The following PDE4D variants were observed in gnomAD, a reference collection of about 807,000 sequenced individuals.
PDE4D encodes the protein phosphodiesterase 4D, also known as 3',5'-cyclic-AMP phosphodiesterase 4D.
Under a neutral mutation model 87.4 loss-of-function variants are expected in PDE4D, and 24 were observed. The ratio of observed to expected loss-of-function variants is 0.27; its 90% CI spans 0.20 to 0.39. The LOEUF is 0.39. Ranked by LOEUF, PDE4D falls within the 10% of genes least tolerant of loss-of-function variation. The pLI is 1.00. For synonymous variants in PDE4D, 384 were observed against 383.2 expected, an observed-to-expected ratio of 1.00 and a Z score of -0.02; for missense variants, 714 against 1,041.0, an observed-to-expected ratio of 0.69 and a Z score of 4.32.
chr5:59,323,034 A>T (rs1025317775), intron 1 of PDE4D, among the ~76,000 whole-genome samples: 5 of 152,230 alleles, frequency 3.3e-5, no homozygotes, highest in Admixed American at 2.6e-4. Flanking sequence ...TTTCTCTTGG[A>T]ATCTCAACAG....
chr5:59,799,460 G>A (rs936981800), intron 1 of PDE4D, among the ~76,000 whole-genome samples: 1 of 152,204 alleles, frequency 6.6e-6, no homozygotes, highest in Admixed American at 6.5e-5. Flanking sequence ...TATTGGGTGT[G>A]TAAAGAATGA....
chr5:59,936,732 G>C (rs575669768), intron 3 of PDE4D, among the ~76,000 whole-genome samples: 1 of 152,116 alleles, frequency 6.6e-6, no homozygotes, highest in South Asian at 2.1e-4. Context: ...ATGTTTAAGG[G>C]ATATGGCCCC....
chr5:59,458,165 T>TGA (rs776254414), intron 1 of PDE4D, among the ~76,000 whole-genome samples: 21 of 152,224 alleles, frequency 1.4e-4, no homozygotes, highest in Non-Finnish European at 2.6e-4. Flanking sequence ...TTTGATTCTT[T>TGA]TACTATTTAT....
At chr5:60,018,058 C>A (rs1765693948) in intron 2 of PDE4D, among the ~76,000 whole-genome samples, 1 of 152,102 alleles carries the variant, frequency 6.6e-6, no homozygotes, top group Non-Finnish European at 1.5e-5. Context: ...TGATGTTGAG[C>A]TTTTTCTCAT....
chr5:60,081,077 G>A (rs897805249), intron 2 of PDE4D, among the ~76,000 whole-genome samples: 3 of 152,104 alleles, frequency 2.0e-5, no homozygotes, highest in African/African-American at 7.2e-5. Flanking sequence ...GGTCTATTCA[G>A]GAATTTGACT....
intron 1 of PDE4D, among the ~76,000 whole-genome samples, chr5:59,498,218 T>C (rs146010238): frequency 2.3e-4 from 35 of 151,644 alleles, no homozygotes; most frequent in African/African-American, 7.3e-4. Context: ...CTTGTTACCA[T>C]GAAAGCACAT....
At chr5:59,924,064 T>A (rs1175120580) in intron 3 of PDE4D, among the ~76,000 whole-genome samples, 1 of 152,216 alleles carries the variant, frequency 6.6e-6, no homozygotes, top group Non-Finnish European at 1.5e-5. Context: ...GCAGAAATTC[T>A]GTAGTTGAAA....
chr5:60,452,465 T>C (rs1395464037), intron 1 of PDE4D, among the ~76,000 whole-genome samples: 3 of 152,050 alleles, frequency 2.0e-5, no homozygotes, highest in Non-Finnish European at 2.9e-5. Flanking sequence ...CAGAAGACAA[T>C]GTATGTCTTA....
In PDE4D at chr5:60,460,842, C is replaced by T. The variant is rs1746875372; in HGVS notation, c.-90+27100G>A. On this transcript the variant is annotated intron_variant, in intron 1 of 16. Transcript: ENST00000502484. Reference sequence around the variant, plus strand: ...TTTATTGGTTAAAATTGAGCAATAACACATGGGTATTTGAAGGATCCCTTT... The same window carrying T: ...TTTATTGGTTAAAATTGAGCAATAATACATGGGTATTTGAAGGATCCCTTT... The T allele has an allele frequency of 6.4e-6, 3 of 468,782 alleles. No individual in the cohort carries two copies. The East Asian group carries it at 1.2e-4, about 18-fold the overall frequency. The allele number at this position is 468,782 out of a possible 1,614,324, so 29.0% of individuals were successfully genotyped here. A position where few individuals can be genotyped will look rare whatever the true frequency, so the allele number is the denominator to read the frequency against.
intron 1 of PDE4D, among the ~76,000 whole-genome samples, chr5:60,204,974 G>T (rs948743034): frequency 4.6e-5 from 7 of 152,210 alleles, no homozygotes; most frequent in Non-Finnish European, 1.0e-4. Context: ...GCATCAATAA[G>T]TGTTAGCTAT....
chr5:59,394,530 T>C (rs921925056), intron 1 of PDE4D, among the ~76,000 whole-genome samples: 1 of 152,208 alleles, frequency 6.6e-6, no homozygotes, highest in Non-Finnish European at 1.5e-5. Context: ...GTGATATATA[T>C]GCACTAGGAA....
chr5:59,533,034 A>G (rs1221345546), intron 1 of PDE4D, among the ~76,000 whole-genome samples: 1 of 152,218 alleles, frequency 6.6e-6, no homozygotes, highest in Non-Finnish European at 1.5e-5. Flanking sequence ...GGTGCAGAAG[A>G]AAGGCCCTAA....
chr5:59,983,986 T>C (rs1318655767), intron 3 of PDE4D, among the ~76,000 whole-genome samples: 2 of 152,132 alleles, frequency 1.3e-5, no homozygotes, highest in African/African-American at 4.8e-5. Context: ...AAATACATTA[T>C]GCTATATTTA....
chr5:59,220,603 C>CTTACTTAA (rs1318646967), intron 1 of PDE4D, among the ~76,000 whole-genome samples: 2 of 151,984 alleles, frequency 1.3e-5, no homozygotes, highest in Non-Finnish European at 2.9e-5. Context: ...GAATTAGACA[C>CTTACTTAA]TTACTTAACT....
intron 1 of PDE4D, among the ~76,000 whole-genome samples, chr5:59,274,389 G>A (rs560999732): frequency 6.6e-6 from 1 of 152,128 alleles, no homozygotes; most frequent in South Asian, 2.1e-4. Context: ...AATTCCTGAC[G>A]CAAATAATTT....
At chr5:59,936,874 G>GA (rs1416853633) in intron 3 of PDE4D, among the ~76,000 whole-genome samples, 1 of 152,154 alleles carries the variant, frequency 6.6e-6, no homozygotes, top group South Asian at 2.1e-4. Flanking sequence ...GAATGGCTTA[G>GA]AAAAAACATT....
chr5:59,506,900 C>T (rs1375362916), intron 1 of PDE4D, among the ~76,000 whole-genome samples: 2 of 152,106 alleles, frequency 1.3e-5, no homozygotes, highest in African/African-American at 4.8e-5. Context: ...AAAATGCATG[C>T]CTCATAATCA....
chr5:59,112,163 C>A (rs763128705), intron 5 of PDE4D, among the ~76,000 whole-genome samples: 1 of 151,982 alleles, frequency 6.6e-6, no homozygotes, highest in Non-Finnish European at 1.5e-5. Flanking sequence ...CCTAAGATAC[C>A]GGGGGAAAGA....
chr5:59,583,705 T>C (rs1391504512), intron 1 of PDE4D, among the ~76,000 whole-genome samples: 1 of 152,214 alleles, frequency 6.6e-6, no homozygotes, highest in African/African-American at 2.4e-5. Context: ...TGCTCAATAA[T>C]CAACACACCA....
Sources: gnomAD v4.1 joint callset for allele counts (sites outside exome capture counted in the v4.1 genomes callset) on GRCh38, gnomAD v4.1.1 for gene constraint, MANE v1.5 for transcripts, NCBI Gene and HGNC (gene_info 2026-07-23, HGNC 2026-07-21) for gene names.